The following DENND4C variants were observed in gnomAD, a reference collection of about 807,000 sequenced individuals.
DENND4C encodes DENN domain containing 4C.
In DENND4C, 108 loss-of-function variants were observed where a neutral mutation model predicts 203.0. The observed-to-expected ratio is 0.53, with a 90% CI of 0.46 to 0.62. The LOEUF is 0.62. Ranked by LOEUF, DENND4C falls within the 20% of genes least tolerant of loss-of-function variation. The pLI, the probability that DENND4C is intolerant of heterozygous loss-of-function variation, is 0.00. For synonymous variants in DENND4C, 871 were observed against 792.4 expected (o/e 1.10, Z -1.67); for missense variants, 2,481 against 2,301.2 (o/e 1.08, Z -1.60).
chr9:19,253,876 C>T (rs978519059), intron 1 of DENND4C, among the ~76,000 whole-genome samples: 5 of 152,122 alleles, frequency 3.3e-5, no homozygotes, highest in Non-Finnish European at 7.4e-5. Context: ...CAAGGTGGCT[C>T]ATTCCTGTAG....
At chr9:19,263,812 C>T (rs958161460) in intron 1 of DENND4C, among the ~76,000 whole-genome samples, 1 of 151,904 alleles carries the variant, frequency 6.6e-6, no homozygotes, top group Non-Finnish European at 1.5e-5. Context: ...CCCACCACCA[C>T]GCCCGGCTAA....
Position 19,345,912 on chromosome 9 carries a change from C to G in DENND4C, c.3152-9C>G. ...AGGTTCATTGTTAATATTTTACTTT[C>G]CCTTTTAGGTAGTATATCAAATGTG... On this transcript the variant is annotated splice_polypyrimidine_tract_variant and intron_variant, in intron 22 of 32. Coordinates refer to ENST00000434457, the MANE Select transcript of DENND4C (RefSeq NM_001330640.2). 1 of 1,571,926 alleles carries G rather than the reference C, an allele frequency of 6.4e-7. No homozygotes were observed. The highest frequency in any genetic ancestry group is 8.6e-7 in the Non-Finnish European group (1 of 1,163,012).
chr9:19,231,035 G>A (rs1255380405), intron 1 of DENND4C, among the ~76,000 whole-genome samples: 2 of 152,238 alleles, frequency 1.3e-5, no homozygotes, highest in African/African-American at 2.4e-5. Flanking sequence ...GTTTCCGGGG[G>A]CGGGGAGTCC....
At chr9:19,232,511 TGTC>T (rs1466203162) in intron 1 of DENND4C, among the ~76,000 whole-genome samples, 2 of 152,214 alleles carry the variant, frequency 1.3e-5, no homozygotes, top group Non-Finnish European at 2.9e-5. Flanking sequence ...TTAGAAATGT[TGTC>T]GTTGTATATT....
Position 19,331,968 on chromosome 9 carries a change from C to A in DENND4C, c.2254-10C>A, listed in dbSNP as rs201738187. The A allele has an allele frequency of 2.5e-6, 4 of 1,604,818 alleles. No homozygotes were observed. Among genetic ancestry groups the A allele is most frequent in the East Asian group, 2.2e-5 (1 of 44,622 alleles). On this transcript the variant is annotated splice_polypyrimidine_tract_variant and intron_variant, in intron 16 of 32. Transcript: ENST00000434457. ...TTAGTAAATATCATAATATTTTATT[C>A]TCTTTCTAGGAAATAAAAACAGCTC...
chr9:19,365,091 C>G (rs1827361444), intron 30 of DENND4C, among the ~76,000 whole-genome samples: 1 of 151,916 alleles, frequency 6.6e-6, no homozygotes, highest in Non-Finnish European at 1.5e-5. Context: ...ATACAAAGAC[C>G]AATGACATCA....
chr9:19,349,897 A>T (rs1588968923), intron 23 of DENND4C, among the ~76,000 whole-genome samples: 1 of 152,224 alleles, frequency 6.6e-6, no homozygotes. Context: ...TTTTATATGT[A>T]TGTTTTAAAT....
intron 1 of DENND4C, among the ~76,000 whole-genome samples, chr9:19,238,817 C>T (rs1260126542): frequency 1.3e-5 from 2 of 150,046 alleles, no homozygotes; most frequent in African/African-American, 2.5e-5. Context: ...CCACGTCCAT[C>T]TAATTTTATA....
chr9:19,248,427 T>G (rs757290666), intron 1 of DENND4C, among the ~76,000 whole-genome samples: 4 of 152,194 alleles, frequency 2.6e-5, no homozygotes, highest in Non-Finnish European at 5.9e-5. Flanking sequence ...CTTACTCTTG[T>G]TGCCCAGGCT....
At chr9:19,286,317 C>T (rs1436520676) in intron 2 of DENND4C, among the ~76,000 whole-genome samples, 2 of 151,998 alleles carry the variant, frequency 1.3e-5, no homozygotes, top group Admixed American at 6.6e-5. Flanking sequence ...TTATTCAGCT[C>T]TTTAATTTCT....
intron 2 of DENND4C, among the ~76,000 whole-genome samples, chr9:19,279,699 T>A (rs1235999205): frequency 1.3e-5 from 2 of 149,970 alleles, no homozygotes; most frequent in Admixed American, 6.7e-5. Context: ...AAAAAAAAAT[T>A]AGCAAGGTGT....
intron 13 of DENND4C, among the ~76,000 whole-genome samples, chr9:19,324,723 A>G (rs1843440076): frequency 6.6e-6 from 1 of 152,246 alleles, no homozygotes; most frequent in Non-Finnish European, 1.5e-5. Flanking sequence ...TTCTTTATTC[A>G]TTGATCCATT....
chr9:19,263,521 T>C (rs1013924330), intron 1 of DENND4C, among the ~76,000 whole-genome samples: 3 of 151,496 alleles, frequency 2.0e-5, no homozygotes, highest in African/African-American at 7.3e-5. Flanking sequence ...CGTGCCCTGC[T>C]AATTTTTTTG....
intron 1 of DENND4C, among the ~76,000 whole-genome samples, chr9:19,249,251 AT>A (rs1254252742): frequency 6.6e-6 from 1 of 150,998 alleles, no homozygotes; most frequent in Non-Finnish European, 1.5e-5. Flanking sequence ...ACCAGTAGTA[AT>A]TTTTGTTTTT....
At chr9:19,338,278 T>C (rs976578946) in intron 20 of DENND4C, among the ~76,000 whole-genome samples, 2 of 152,170 alleles carry the variant, frequency 1.3e-5, no homozygotes, top group East Asian at 1.9e-4. Flanking sequence ...CAAAAAAATA[T>C]ATTTTTTTGT....
intron 10 of DENND4C, among the ~76,000 whole-genome samples, chr9:19,310,392 C>T (rs147337259): frequency 6.6e-6 from 1 of 152,248 alleles, no homozygotes; most frequent in African/African-American, 2.4e-5. Flanking sequence ...TGACATCTGG[C>T]CCAAAGCTTG....
intron 1 of DENND4C, among the ~76,000 whole-genome samples, chr9:19,273,946 T>G (rs1832307010): frequency 6.6e-6 from 1 of 152,056 alleles, no homozygotes; most frequent in African/African-American, 2.4e-5. Flanking sequence ...TCCATAAGAT[T>G]TGTACATGGG....
chr9:19,308,161 A>G (rs922962928), intron 10 of DENND4C, among the ~76,000 whole-genome samples: 2 of 152,146 alleles, frequency 1.3e-5, no homozygotes, highest in Non-Finnish European at 2.9e-5. Context: ...TGATCATCGT[A>G]TATATTTCCT....
At chr9:19,289,019 C>T (rs1412322233) in intron 4 of DENND4C, among the ~76,000 whole-genome samples, 1 of 152,164 alleles carries the variant, frequency 6.6e-6, no homozygotes, top group Non-Finnish European at 1.5e-5. Flanking sequence ...CAAACTGCGT[C>T]TTTACTTCTT....
Sources: gnomAD v4.1 joint callset for allele counts (sites outside exome capture counted in the v4.1 genomes callset) on GRCh38, gnomAD v4.1.1 for gene constraint, MANE v1.5 for transcripts, NCBI Gene and HGNC (gene_info 2026-07-23, HGNC 2026-07-21) for gene names.